CRB1: variants seen among roughly 807,000 people sequenced by gnomAD.
The protein encoded by CRB1 is protein crumbs homolog 1.
Under a neutral mutation model 120.0 loss-of-function variants are expected in CRB1, and 83 were observed. That is an observed-to-expected ratio of 0.69 (90% CI 0.58 to 0.83). The LOEUF is 0.83. Among genes scored for constraint, CRB1 ranks in the 40% least tolerant of loss-of-function variants. The pLI is 0.00. For synonymous variants in CRB1, 625 were observed against 612.5 expected, an observed-to-expected ratio of 1.02 and a Z score of -0.30; for missense variants, 1,699 against 1,687.6, an observed-to-expected ratio of 1.01 and a Z score of -0.12.
chr1:197,305,963 C>T (rs1383060600), intron 1 of CRB1, among the ~76,000 whole-genome samples: 1 of 150,646 alleles, frequency 6.6e-6, no homozygotes, highest in Non-Finnish European at 1.5e-5. Flanking sequence ...AGTCTCAATT[C>T]TGGGAATATC....
chr1:197,319,926 C>A (rs550317462), intron 1 of CRB1, among the ~76,000 whole-genome samples: 3 of 152,094 alleles, frequency 2.0e-5, no homozygotes, highest in Non-Finnish European at 4.4e-5. Context: ...GGCCTCTTAA[C>A]CCCTTTTATC....
chr1:197,209,051 A>C, the CRB1 span, among the ~76,000 whole-genome samples: 2 of 152,160 alleles, frequency 1.3e-5, no homozygotes, highest in Admixed American at 1.3e-4. Context: ...ACACAGCCCA[A>C]AAGGCCAGTC....
chr1:197,227,747 G>A, the CRB1 span, among the ~76,000 whole-genome samples: 4 of 152,076 alleles, frequency 2.6e-5, no homozygotes, highest in South Asian at 6.2e-4. Context: ...GCCCCAGTAG[G>A]GACTCTGTGT....
the CRB1 span, among the ~76,000 whole-genome samples, chr1:197,206,248 T>G: frequency 6.6e-6 from 1 of 152,150 alleles, no homozygotes; most frequent in Non-Finnish European, 1.5e-5. Context: ...TGTTTCAATA[T>G]CATTTAGTTC....
intron 5 of CRB1, among the ~76,000 whole-genome samples, chr1:197,374,832 G>A (rs955558321): frequency 6.6e-6 from 1 of 151,876 alleles, no homozygotes; most frequent in African/African-American, 2.4e-5. Flanking sequence ...TCACAGATAC[G>A]TTGCCTTCTG....
At position 197,477,893 on chromosome 1, in the gene CRB1, C is replaced by T. The variant is rs372365258; in HGVS notation, c.*14C>T. On this transcript the variant is annotated 3_prime_UTR_variant, in exon 12 of 12. Coordinates refer to ENST00000367400, the MANE Select transcript of CRB1 (RefSeq NM_201253.3). ...AGACTGATTTAGGAGCATTGTGTCC[C>T]TTCGAGATGGGGATCCACACACTGT... 34 of 1,611,822 alleles carry T rather than the reference C, an allele frequency of 2.1e-5. No individual in the cohort carries two copies. The highest frequency in any genetic ancestry group is 2.8e-5 in the Non-Finnish European group (33 of 1,178,276).
At chr1:197,293,300 C>T (rs1656309310) in intron 1 of CRB1, among the ~76,000 whole-genome samples, 1 of 152,060 alleles carries the variant, frequency 6.6e-6, no homozygotes, top group African/African-American at 2.4e-5. Context: ...CATGAGTGAA[C>T]TCCCATTCAC....
intron 2 of CRB1, among the ~76,000 whole-genome samples, chr1:197,337,463 A>C (rs1378652120): frequency 6.6e-6 from 1 of 152,190 alleles, no homozygotes; most frequent in East Asian, 1.9e-4. Flanking sequence ...ATGAACTTCC[A>C]TTTCCTCATT....
chr1:197,252,362 C>A, the CRB1 span, among the ~76,000 whole-genome samples: 1 of 150,140 alleles, frequency 6.7e-6, no homozygotes, highest in Non-Finnish European at 1.5e-5. Context: ...TCTTGCAAAC[C>A]ACAGTGCATT....
chr1:197,464,006 T>C (rs746631671), intron 11 of CRB1, among the ~76,000 whole-genome samples: 27 of 152,172 alleles, frequency 1.8e-4, no homozygotes, highest in Non-Finnish European at 3.5e-4. Context: ...AAACATTTAA[T>C]AGAAGACCAA....
chr1:197,442,557 ACATAT>A, intron 11 of CRB1: 1 of 1,425,588 alleles, frequency 7.0e-7, no homozygotes, highest in Non-Finnish European at 9.2e-7. Context: ...CTTATTTTAA[ACATAT>A]CAGAAGCACT....
At chr1:197,229,511 T>C in the CRB1 span, among the ~76,000 whole-genome samples, 59 of 152,212 alleles carry the variant, frequency 3.9e-4, no homozygotes, top group African/African-American at 1.4e-3. Flanking sequence ...TCCATGGGCA[T>C]ATTGCGTGAC....
rs1319624339 is a variant in CRB1 at position 197,371,794 on chromosome 1, C to T, written c.1171+14781C>T. ...ATGAACATCAAGTTGGGGAATTCAT[C>T]GCTTTTACGGTAAGCAGTAAGAAGC... On this transcript the variant is annotated intron_variant, in intron 5 of 11. Coordinates refer to ENST00000367400, the MANE Select transcript of CRB1 (RefSeq NM_201253.3). Among the ~76,000 whole-genome samples, 5 of 152,108 alleles carry T rather than the reference C, an allele frequency of 3.3e-5. No homozygotes were observed. The East Asian group carries it at 7.7e-4, about 23-fold the overall frequency.
At chr1:197,231,606 G>T in the CRB1 span, among the ~76,000 whole-genome samples, 1 of 152,182 alleles carries the variant, frequency 6.6e-6, no homozygotes, top group African/African-American at 2.4e-5. Flanking sequence ...GCCACAATAA[G>T]CGATGTAGAA....
chr1:197,273,992 G>T (rs1005778967), intron 1 of CRB1, among the ~76,000 whole-genome samples: 2 of 152,064 alleles, frequency 1.3e-5, no homozygotes, highest in Admixed American at 6.6e-5. Flanking sequence ...AAAGAGCACA[G>T]AAATATGTCT....
intron 5 of CRB1, among the ~76,000 whole-genome samples, chr1:197,385,402 T>C (rs756141108): frequency 1.2e-4 from 19 of 152,134 alleles, no homozygotes; most frequent in Admixed American, 4.6e-4. Context: ...AAACTATATG[T>C]CTAATATGTA....
intron 5 of CRB1, among the ~76,000 whole-genome samples, chr1:197,405,767 C>A (rs191544832): frequency 2.0e-3 from 300 of 151,878 alleles, no homozygotes; most frequent in Middle Eastern, 6.8e-3. Flanking sequence ...CTGGCAACCG[C>A]CCCATCTGAG....
chr1:197,275,982 A>G (rs142503715), intron 1 of CRB1, among the ~76,000 whole-genome samples: 1 of 151,940 alleles, frequency 6.6e-6, no homozygotes, highest in African/African-American at 2.4e-5. Context: ...ATTAGATCCT[A>G]TTGGTTGCTA....
chr1:197,350,548 A>T (rs1030929901), intron 4 of CRB1, among the ~76,000 whole-genome samples: 9 of 152,198 alleles, frequency 5.9e-5, no homozygotes, highest in Non-Finnish European at 1.2e-4. Flanking sequence ...AGCCACATGG[A>T]TTTCAGTGGC....
Sources: gnomAD v4.1 joint callset for allele counts (sites outside exome capture counted in the v4.1 genomes callset) on GRCh38, gnomAD v4.1.1 for gene constraint, MANE v1.5 for transcripts, NCBI Gene and HGNC (gene_info 2026-07-23, HGNC 2026-07-21) for gene names.